PAICS: variants seen among roughly 807,000 people sequenced by gnomAD.
PAICS encodes the protein phosphoribosylaminoimidazole carboxylase and phosphoribosylaminoimidazolesuccinocarboxamide synthase, also known as bifunctional phosphoribosylaminoimidazole carboxylase/phosphoribosylaminoimidazole succinocarboxamide synthetase.
A neutral mutation model predicts 53.7 loss-of-function variants in PAICS; 33 were observed. That is an observed-to-expected ratio of 0.61 (90% CI 0.47 to 0.82). The LOEUF is 0.82. Among genes scored for constraint, PAICS ranks in the 40% least tolerant of loss-of-function variants. The pLI is 0.00. For synonymous variants in PAICS, 141 were observed against 167.2 expected (o/e 0.84, Z 1.21); for missense variants, 394 against 494.1 (o/e 0.80, Z 1.92).
At chr4:56,446,246 C>G (rs1718609545) in intron 2 of PAICS, 5 of 608,330 alleles carry the variant, frequency 8.2e-6, no homozygotes, top group Non-Finnish European at 1.5e-5. Flanking sequence ...ATTTCCAGAA[C>G]TTTTTCATCA....
At chr4:56,435,981 C>A (rs1717909123), upstream of PAICS, 1 of 1,518,228 alleles carries the variant, frequency 6.6e-7, no homozygotes, top group South Asian at 1.1e-5. Context: ...CCGGGGTATG[C>A]GAGCTTCCGC....
chr4:56,423,791 A>C, the PAICS span, among the ~76,000 whole-genome samples: 13 of 152,192 alleles, frequency 8.5e-5, no homozygotes, highest in African/African-American at 3.1e-4. Flanking sequence ...TGAAAATTCA[A>C]AGCAAAGATA....
chr4:56,413,184 G>C, the PAICS span, among the ~76,000 whole-genome samples: 3 of 152,158 alleles, frequency 2.0e-5, no homozygotes, highest in South Asian at 2.1e-4. Context: ...TTTTAAGACA[G>C]AGTCTCACTC....
chr4:56,427,769 G>C, the PAICS span, among the ~76,000 whole-genome samples: 2 of 152,082 alleles, frequency 1.3e-5, no homozygotes, highest in African/African-American at 4.8e-5. Context: ...GTCACCCCCT[G>C]CTGCACATCA....
At chr4:56,440,208 A>G (rs1379942237) in intron 1 of PAICS, among the ~76,000 whole-genome samples, 1 of 152,238 alleles carries the variant, frequency 6.6e-6, no homozygotes, top group Non-Finnish European at 1.5e-5. Flanking sequence ...GGAAGATTGT[A>G]TAAGAATTAA....
the PAICS span, among the ~76,000 whole-genome samples, chr4:56,418,391 C>A: frequency 6.6e-6 from 1 of 152,150 alleles, no homozygotes; most frequent in Non-Finnish European, 1.5e-5. Context: ...GTATTCTCAG[C>A]CCATTGCAAC....
Position 56,448,760 on chromosome 4 carries a change from T to C in PAICS, c.624T>C (p.Val208=), listed in dbSNP as rs1046139657. The change falls in exon 5 of 9, where the codon GTT becomes GTC. Residue 208 remains valine (V), a synonymous_variant. Coordinates refer to ENST00000512576, the MANE Select transcript of PAICS (RefSeq NM_001079524.2). ...VTTKEIVLAD[V]IDNDSWRLWP... is the part of the protein sequence containing the mutation. Reference sequence around the variant, plus strand: ...CCAAAGAAATTGTTCTTGCTGATGTTATTGACAATGATTCCTGGAGACTCT... The same window carrying C: ...CCAAAGAAATTGTTCTTGCTGATGTCATTGACAATGATTCCTGGAGACTCT... 3 of 1,599,932 alleles carry C rather than the reference T, an allele frequency of 1.9e-6. No homozygotes were observed. In the East Asian group the frequency reaches 6.7e-5, roughly 36 times the overall value.
upstream of PAICS, chr4:56,435,255 C>A: frequency 1.3e-6 from 2 of 1,564,632 alleles, no homozygotes; most frequent in Non-Finnish European, 1.7e-6. Context: ...GGTCGGTCCT[C>A]CCGGGCCCTC....
the PAICS span, chr4:56,419,982 C>G: frequency 5.1e-6 from 5 of 985,004 alleles, no homozygotes; most frequent in Non-Finnish European, 4.8e-6. Flanking sequence ...ATCACGAGAC[C>G]AGGAATCCCA....
chr4:56,436,701 G>C (rs1216768365), intron 1 of PAICS: 4 of 459,678 alleles, frequency 8.7e-6, no homozygotes, highest in Non-Finnish European at 1.3e-5. Context: ...ACTTTTGAAA[G>C]ACCTGTCTAG....
intron 8 of PAICS, among the ~76,000 whole-genome samples, chr4:56,456,709 T>TG (rs1578161573): frequency 1.3e-5 from 2 of 151,166 alleles, no homozygotes; most frequent in East Asian, 3.9e-4. Flanking sequence ...CTCTGGGGTT[T>TG]TTTTTTTTTT....
the PAICS span, among the ~76,000 whole-genome samples, chr4:56,415,193 C>T: frequency 6.6e-6 from 1 of 152,100 alleles, no homozygotes. Flanking sequence ...TACAATGCTA[C>T]TTTTGTTACT....
the PAICS span, among the ~76,000 whole-genome samples, chr4:56,427,585 T>C: frequency 6.6e-6 from 1 of 150,886 alleles, no homozygotes; most frequent in Admixed American, 6.6e-5. Context: ...GGCAGGAGGA[T>C]CGCTTGAGCT....
intron 1 of PAICS, among the ~76,000 whole-genome samples, chr4:56,438,305 G>A (rs1258221148): frequency 6.9e-6 from 1 of 144,072 alleles, no homozygotes; most frequent in Non-Finnish European, 1.5e-5. Context: ...GAAATATAAT[G>A]TAAATTTGTC....
At chr4:56,439,289 T>A (rs1288968016) in intron 1 of PAICS, among the ~76,000 whole-genome samples, 1 of 152,108 alleles carries the variant, frequency 6.6e-6, no homozygotes, top group South Asian at 2.1e-4. Context: ...CAGGCTGGAG[T>A]GCAGTGGCGC....
chr4:56,450,223 T>C (rs938542276), intron 5 of PAICS, among the ~76,000 whole-genome samples: 1 of 152,052 alleles, frequency 6.6e-6, no homozygotes, highest in Non-Finnish European at 1.5e-5. Flanking sequence ...CTAATGCATA[T>C]GGGGCTTAAA....
chr4:56,428,191 A>T, the PAICS span, among the ~76,000 whole-genome samples: 272 of 152,342 alleles, frequency 1.8e-3, 3 homozygotes, highest in African/African-American at 6.5e-3. Context: ...GTGAATGATA[A>T]TCAAATACAA....
chr4:56,442,325 C>T (rs1718381998), intron 2 of PAICS, among the ~76,000 whole-genome samples: 1 of 152,176 alleles, frequency 6.6e-6, no homozygotes, highest in Non-Finnish European at 1.5e-5. Context: ...GCAACCAAAC[C>T]TTCTCCTCCT....
rs898071524 is a variant in PAICS at position 56,436,347 on chromosome 4, G to A, written c.16+19G>A. 3.2e-6 allele frequency: 5 copies of A among 1,549,930 alleles called. No homozygotes were observed. Among genetic ancestry groups the A allele is most frequent in the Non-Finnish European group, 4.4e-6 (5 of 1,129,872 alleles). ...GCTGAGGGTGAGTAACAGGGATCCG[G>A]GCCCTTCACGGTCTCCCTGACCCCC... On this transcript the variant is annotated intron_variant, in intron 1 of 8. Transcript: ENST00000512576.
Sources: gnomAD v4.1 joint callset for allele counts (sites outside exome capture counted in the v4.1 genomes callset) on GRCh38, gnomAD v4.1.1 for gene constraint, MANE v1.5 for transcripts, NCBI Gene and HGNC (gene_info 2026-07-23, HGNC 2026-07-21) for gene names.